LYST: variants seen among roughly 807,000 people sequenced by gnomAD.
The protein encoded by LYST is lysosomal trafficking regulator, also known as lysosomal-trafficking regulator.
In LYST, 192 loss-of-function variants were observed where a neutral mutation model predicts 413.6. That is an observed-to-expected ratio of 0.46 (90% CI 0.41 to 0.52). LYST has a LOEUF of 0.52. LYST is among the 20% of genes least tolerant of loss of function. The pLI, the probability that LYST is intolerant of heterozygous loss-of-function variation, is 0.00. For synonymous variants in LYST, 1,525 were observed against 1,567.3 expected (o/e 0.97, Z 0.64); for missense variants, 3,815 against 4,499.9 (o/e 0.85, Z 4.35).
intron 41 of LYST, among the ~76,000 whole-genome samples, chr1:235,716,103 G>A (rs1465631161): frequency 6.6e-6 from 1 of 152,170 alleles, no homozygotes; most frequent in Non-Finnish European, 1.5e-5. Context: ...GATGCTTAGA[G>A]GGATGTTTCA....
At chr1:235,677,407 G>C in intron 49 of LYST, 73 bp downstream of exon 49, 1 of 1,467,132 alleles carries the variant, frequency 6.8e-7, no homozygotes, top group Non-Finnish European at 9.5e-7. Flanking sequence ...CATTATTTTG[G>C]TTTATCTATT....
intron 19 of LYST, among the ~76,000 whole-genome samples, chr1:235,771,951 G>C (rs557186301): frequency 2.3e-5 from 3 of 130,168 alleles, no homozygotes; most frequent in African/African-American, 9.3e-5. Flanking sequence ...GGCCAGGCAT[G>C]GGGGGCTCAC....
At chr1:235,699,650 C>G (rs915880453) in intron 45 of LYST, among the ~76,000 whole-genome samples, 1 of 152,172 alleles carries the variant, frequency 6.6e-6, no homozygotes, top group Non-Finnish European at 1.5e-5. Flanking sequence ...TGAGGAATTG[C>G]CACACTGTCT....
At chr1:235,847,061 T>C (rs989100313) in intron 1 of LYST, among the ~76,000 whole-genome samples, 2 of 152,188 alleles carry the variant, frequency 1.3e-5, no homozygotes, top group South Asian at 4.1e-4. Flanking sequence ...GATCTTCGCG[T>C]AGGCACATTG....
chr1:235,805,779 A>T lies in LYST; in HGVS notation c.3357T>A (p.Thr1119=). The T allele has an allele frequency of 6.2e-7, 1 of 1,613,512 alleles. No homozygotes were observed. Among genetic ancestry groups the T allele is most frequent in the Non-Finnish European group, 8.5e-7 (1 of 1,179,786 alleles). The change falls in exon 6 of 53, where the codon ACT becomes ACA. Residue 1119 remains threonine, a synonymous_variant. Transcript: ENST00000389793. The part of the protein sequence containing the change: ...LLAICLHGAR[T]SQQKMELELP... ...ACTCCAATTCCATCTTCTGTTGACTAGTTCTGGCACCATGAAGACAAATGG... is the reference window on the plus strand; with the variant it reads ...ACTCCAATTCCATCTTCTGTTGACTTGTTCTGGCACCATGAAGACAAATGG...
chr1:235,670,954 C>T (rs1658892395), intron 50 of LYST, among the ~76,000 whole-genome samples: 2 of 152,264 alleles, frequency 1.3e-5, no homozygotes, highest in Non-Finnish European at 2.9e-5. Flanking sequence ...ATATGATTCC[C>T]TCTGATAACC....
Position 235,809,797 on chromosome 1 carries a change from T to C in LYST, c.1021A>G (p.Thr341Ala), listed in dbSNP as rs1673258740. The C allele has an allele frequency of 6.2e-7, 1 of 1,614,014 alleles. No homozygotes were observed. The highest frequency in any genetic ancestry group is 8.5e-7 in the Non-Finnish European group (1 of 1,179,970). ...VLHLLSVDVSTAEMMPENLRK... is the reference protein window; with the variant it reads ...VLHLLSVDVSAAEMMPENLRK... ...AGATTTTCTGGCATCATCTCTGCAG[T>C]ACTAACATCTACTGACAGAAGATGC... The change falls in exon 5 of 53, where the codon ACT becomes GCT. Residue 341 changes from threonine (T) to alanine (A), a missense_variant. Physicochemically the swap from Thr to Ala is moderately conservative, Grantham distance 58 (BLOSUM62 0). Around this residue, in one of 4 missense-constraint regions of LYST, gnomAD observed 1,648 missense variants for 1,810.3 expected, o/e 0.91. Transcript: ENST00000389793. The surrounding 1 kb of genome is among the most constrained non-coding windows in gnomAD (Gnocchi z 4.0).
At chr1:235,836,321 A>T (rs10803080) in intron 1 of LYST, among the ~76,000 whole-genome samples, 1 of 151,658 alleles carries the variant, frequency 6.6e-6, no homozygotes, top group African/African-American at 2.4e-5. Flanking sequence ...CATGTATTAT[A>T]GTGAGGTGGA....
rs773738216 is a variant in LYST, at chr1:235,808,626, T to C, written c.2192A>G (p.Tyr731Cys). The C allele has an allele frequency of 5.0e-6, 8 of 1,613,644 alleles. No individual in the cohort carries two copies. The highest frequency in any genetic ancestry group is 1.7e-5 in the Admixed American group (1 of 59,952). ...GAGCACAGGATTAAATATGTAATTA[T>C]ATAATTTCCACTGAACAACTATATT... ...KGNIVVQWKL[Y>C]NYIFNPVLQR... The change falls in exon 5 of 53, where the codon TAT becomes TGT. Residue 731 changes from tyrosine (Y) to cysteine (C), a missense_variant. By Grantham distance (194) the Tyr-to-Cys change is radical. Coordinates refer to ENST00000389793, the MANE Select transcript of LYST (RefSeq NM_000081.4).
At position 235,733,870 on chromosome 1, in the gene LYST, T is replaced by G. The variant is rs769212842; in HGVS notation, c.8572A>C (p.Lys2858Gln). Residue 2858 changes from lysine to glutamine, a missense_variant, in exon 33 of 53, where the codon AAA becomes CAA. Physicochemically the swap from Lys to Gln is moderately conservative, Grantham distance 53 (BLOSUM62 1). Transcript: ENST00000389793. ...TTAACTGTTTTCTGCCAAGCAGCTTTATTCACTCCTTCTTCAGTTTCATAT... is the reference window on the plus strand; with the variant it reads ...TTAACTGTTTTCTGCCAAGCAGCTTGATTCACTCCTTCTTCAGTTTCATAT... ...KKYETEEGVN[K>Q]AAWQKTVNNN... 10 of 1,600,326 alleles carry G rather than the reference T, an allele frequency of 6.2e-6. No homozygotes were observed. The highest frequency in any genetic ancestry group is 6.9e-6 in the Non-Finnish European group (8 of 1,167,694).
At chr1:235,867,466 G>A (rs1325538577), upstream of LYST, among the ~76,000 whole-genome samples, 1 of 152,170 alleles carries the variant, frequency 6.6e-6, no homozygotes, top group Non-Finnish European at 1.5e-5. Flanking sequence ...GGTTACCGTC[G>A]GCTTCTTTCA....
At chr1:235,831,442 C>A (rs1675969758) in intron 2 of LYST, among the ~76,000 whole-genome samples, 1 of 152,112 alleles carries the variant, frequency 6.6e-6, no homozygotes, top group Non-Finnish European at 1.5e-5. Flanking sequence ...TAGTTGATGT[C>A]CTGAAAGGTC....
chr1:235,743,794 C>G (rs949902391), intron 30 of LYST, among the ~76,000 whole-genome samples, 185 bp downstream of exon 30: 1 of 152,068 alleles, frequency 6.6e-6, no homozygotes, highest in African/African-American at 2.4e-5. Context: ...TGAGTTGAGT[C>G]ATTTTGGAAA....
At chr1:235,714,225 T>A (rs558079989) in intron 42 of LYST, among the ~76,000 whole-genome samples, 1 of 152,326 alleles carries the variant, frequency 6.6e-6, no homozygotes, top group South Asian at 2.1e-4. Flanking sequence ...TACAAAACTG[T>A]CCTATTTATT....
intron 36 of LYST, among the ~76,000 whole-genome samples, chr1:235,730,141 A>G (rs891020058): frequency 6.6e-6 from 1 of 151,998 alleles, no homozygotes; most frequent in African/African-American, 2.4e-5. Context: ...GAGGATTTGG[A>G]ATCAGAAAGT....
intron 50 of LYST, among the ~76,000 whole-genome samples, chr1:235,671,990 A>C (rs1410271280): frequency 1.3e-5 from 2 of 152,082 alleles, no homozygotes; most frequent in Non-Finnish European, 2.9e-5. Context: ...TTAGATTCAG[A>C]CTCTATTTTG....
chr1:235,722,731 G>A (rs910376071), intron 39 of LYST, among the ~76,000 whole-genome samples: 5 of 152,046 alleles, frequency 3.3e-5, no homozygotes, highest in East Asian at 3.9e-4. Context: ...TGATCTGCCC[G>A]CCTCGGCCTC....
intron 44 of LYST, 123 bp from the exon 45 acceptor site, chr1:235,703,100 C>T (rs1179160900): frequency 2.8e-5 from 21 of 749,478 alleles, no homozygotes; most frequent in South Asian, 1.2e-4. Flanking sequence ...TGCTTTTGTT[C>T]AGGTTAACAA....
intron 3 of LYST, among the ~76,000 whole-genome samples, chr1:235,822,616 G>C (rs1191150566): frequency 1.3e-5 from 2 of 152,176 alleles, no homozygotes; most frequent in Non-Finnish European, 2.9e-5. Context: ...AGGCGTAGAG[G>C]GGAGTGAGTG....
Sources: gnomAD v4.1 joint callset for allele counts (sites outside exome capture counted in the v4.1 genomes callset) on GRCh38, gnomAD v4.1.1 for gene constraint, gnomAD v4.1.1 regional missense constraint, Gnocchi (gnomAD v3.1) non-coding constraint, MANE v1.5 for transcripts, NCBI Gene and HGNC (gene_info 2026-07-23, HGNC 2026-07-21) for gene names.